The following GADL1 variants were observed in gnomAD, a reference collection of about 807,000 sequenced individuals.
The protein encoded by GADL1 is GAD like acidic amino acid decarboxylase 1, also known as acidic amino acid decarboxylase GADL1.
Under a neutral mutation model 69.5 loss-of-function variants are expected in GADL1, and 71 were observed. That is an observed-to-expected ratio of 1.02 (90% CI 0.84 to 1.25). GADL1 has a LOEUF of 1.25. GADL1 is among the 50% of genes most tolerant of loss of function. The pLI is 0.00. For synonymous variants in GADL1, 254 were observed against 214.4 expected, an observed-to-expected ratio of 1.18 and a Z score of -1.62; for missense variants, 737 against 631.8, an observed-to-expected ratio of 1.17 and a Z score of -1.79.
At chr3:30,869,437 C>CAA (rs1698449541) in intron 1 of GADL1, among the ~76,000 whole-genome samples, 1 of 151,838 alleles carries the variant, frequency 6.6e-6, no homozygotes, top group African/African-American at 2.4e-5. Flanking sequence ...AGAACAGAAG[C>CAA]TCTGAAGCTT....
intron 11 of GADL1, among the ~76,000 whole-genome samples, chr3:30,818,873 G>A (rs1279582369): frequency 1.3e-5 from 2 of 152,020 alleles, no homozygotes; most frequent in South Asian, 2.1e-4. Flanking sequence ...CTGAATATCT[G>A]CTATGGCCTC....
intron 1 of GADL1, among the ~76,000 whole-genome samples, chr3:30,874,636 G>GTGTTATC (rs1228872118): frequency 1.3e-5 from 2 of 151,756 alleles, no homozygotes; most frequent in East Asian, 3.9e-4. Flanking sequence ...GATCCACTAA[G>GTGTTATC]TGTTATCTAC....
chr3:30,781,285 AATT>A (rs1421047260), intron 13 of GADL1, among the ~76,000 whole-genome samples: 2 of 152,224 alleles, frequency 1.3e-5, no homozygotes, highest in Non-Finnish European at 2.9e-5. Context: ...TTTCAGGAAG[AATT>A]ATTTAGCAAA....
At position 30,800,913 on chromosome 3, in the gene GADL1, A is replaced by T; in HGVS notation, c.1226T>A (p.Val409Asp). 1 of 1,609,586 alleles carries T rather than the reference A, an allele frequency of 6.2e-7. No homozygotes were observed. The highest frequency in any genetic ancestry group is 2.2e-5 in the East Asian group (1 of 44,708). ...CCTAGATAAAGCAAGAGCACGATTA[A>T]CTCTTTCTTCAAGGCCTAATGTACC... ...ALGTLGLEERVNRALALSRYL... is the reference protein window; with the variant it reads ...ALGTLGLEERDNRALALSRYL... Residue 409 changes from valine to aspartate, a missense_variant, in exon 12 of 15, where the codon GTT becomes GAT. Val to Asp is a radical substitution (Grantham distance 152, BLOSUM62 -3). Transcript: ENST00000282538.
At chr3:30,763,515 G>C (rs1421170045) in intron 14 of GADL1, among the ~76,000 whole-genome samples, 1 of 110,850 alleles carries the variant, frequency 9.0e-6, no homozygotes, top group Non-Finnish European at 1.9e-5. Flanking sequence ...GGCGGGGGGT[G>C]GGGGTGGGGG....
intron 12 of GADL1, among the ~76,000 whole-genome samples, chr3:30,790,416 T>C (rs1182120162): frequency 6.6e-6 from 1 of 152,186 alleles, no homozygotes; most frequent in Admixed American, 6.6e-5. Flanking sequence ...GAGCACATGC[T>C]GTTGGGAAAA....
At chr3:30,777,722 T>C (rs1696568471) in intron 14 of GADL1, among the ~76,000 whole-genome samples, 1 of 152,224 alleles carries the variant, frequency 6.6e-6, no homozygotes, top group African/African-American at 2.4e-5. Flanking sequence ...TAGCATCTCT[T>C]TTCTTTTATG....
chr3:30,802,990 C>T (rs987791749), intron 11 of GADL1, among the ~76,000 whole-genome samples: 2 of 152,080 alleles, frequency 1.3e-5, no homozygotes, highest in Admixed American at 1.3e-4. Context: ...GTGGCGTATG[C>T]CTGAAGTGGG....
At chr3:30,761,674 G>T (rs991627774) in intron 14 of GADL1, among the ~76,000 whole-genome samples, 2 of 150,172 alleles carry the variant, frequency 1.3e-5, no homozygotes, top group African/African-American at 4.9e-5. Flanking sequence ...TTTAAAAAAG[G>T]AATGAGATTT....
At position 30,881,579 on chromosome 3, in the gene GADL1, A is replaced by G. The variant is rs144982277; in HGVS notation, c.37+12999T>C. On this transcript the variant is annotated intron_variant, in intron 1 of 14. Transcript: ENST00000282538. ...AGATGGCAACAGTATAAAAAAAGAT[A>G]TAAGAACTCAAGAACAGCAATCTGA... is the stretch of plus-strand genomic sequence containing the variant. Among the ~76,000 whole-genome samples, 207 of 152,048 alleles carry G rather than the reference A, an allele frequency of 1.4e-3. 2 individuals are homozygous for G. The highest frequency in any genetic ancestry group is 4.7e-3 in the African/African-American group (195 of 41,524).
intron 1 of GADL1, among the ~76,000 whole-genome samples, chr3:30,891,741 C>T (rs1395383867): frequency 6.6e-6 from 1 of 151,962 alleles, no homozygotes; most frequent in Non-Finnish European, 1.5e-5. Context: ...TTCGGCACAG[C>T]AATAGTAGGG....
chr3:30,885,384 G>A (rs1698689636), intron 1 of GADL1, among the ~76,000 whole-genome samples: 1 of 152,032 alleles, frequency 6.6e-6, no homozygotes, highest in South Asian at 2.1e-4. Flanking sequence ...TGACATTCAT[G>A]CCTGTATAAG....
chr3:30,751,636 A>G (rs1230914763), intron 14 of GADL1, among the ~76,000 whole-genome samples: 2 of 152,084 alleles, frequency 1.3e-5, no homozygotes, highest in African/African-American at 2.4e-5. Context: ...TGAAAGACTG[A>G]AACAGTTTGA....
chr3:30,835,731 T>A lies in GADL1; in HGVS notation c.904-1450A>T, dbSNP rs183955154. Among the ~76,000 whole-genome samples, 10 of 152,170 alleles carry A rather than the reference T, an allele frequency of 6.6e-5. No individual in the cohort carries two copies. The East Asian group carries it at 1.7e-3, about 27-fold the overall frequency. Reference sequence around the variant, plus strand: ...CTTGTCCCATGGACTAAAGGCTCCATCAACTCCATGGGGTCCCCAGAGGCC... The same window carrying A: ...CTTGTCCCATGGACTAAAGGCTCCAACAACTCCATGGGGTCCCCAGAGGCC... On this transcript the variant is annotated intron_variant, in intron 9 of 14. Coordinates refer to ENST00000282538, the MANE Select transcript of GADL1 (RefSeq NM_207359.3).
At chr3:30,752,752 A>G (rs1384823411) in intron 14 of GADL1, among the ~76,000 whole-genome samples, 1 of 152,224 alleles carries the variant, frequency 6.6e-6, no homozygotes, top group African/African-American at 2.4e-5. Flanking sequence ...TAGAAAGTGG[A>G]GTCCAAAGAT....
At chr3:30,761,640 A>G (rs894096698) in intron 14 of GADL1, among the ~76,000 whole-genome samples, 7 of 152,150 alleles carry the variant, frequency 4.6e-5, no homozygotes, top group African/African-American at 1.4e-4. Flanking sequence ...GAAACTATCA[A>G]TCCTCATCAG....
intron 14 of GADL1, among the ~76,000 whole-genome samples, chr3:30,758,453 T>C (rs1282942760): frequency 6.6e-6 from 1 of 152,078 alleles, no homozygotes; most frequent in Non-Finnish European, 1.5e-5. Flanking sequence ...AGAACCACAA[T>C]GATTGTGCTT....
Position 30,834,075 on chromosome 3 carries a change from A to G in GADL1, c.969-141T>C, listed in dbSNP as rs946361611. On this transcript the variant is annotated intron_variant, in intron 10 of 14. Coordinates refer to ENST00000282538, the MANE Select transcript of GADL1 (RefSeq NM_207359.3). ...ATAGAACTCCTTATCTGAGTGGTTT[A>G]AGGAATTTGGAGGGATTTTTTGTTG... is the stretch of plus-strand genomic sequence containing the variant. The G allele has an allele frequency of 5.3e-6, 5 of 943,912 alleles. No individual in the cohort carries two copies. In the African/African-American group the frequency reaches 8.2e-5, roughly 16 times the overall value. 58.5% of individuals were successfully genotyped at this position (943,912 alleles called of 1,614,324 possible). A position where few individuals can be genotyped will look rare whatever the true frequency, so the allele number is the denominator to read the frequency against.
At chr3:30,881,471 A>T (rs188234913) in intron 1 of GADL1, among the ~76,000 whole-genome samples, 111 of 152,072 alleles carry the variant, frequency 7.3e-4, no homozygotes, top group Non-Finnish European at 1.1e-3. Context: ...ACACAAAAGC[A>T]TCAAGTGGTG....
Sources: allele counts gnomAD v4.1 joint callset (sites outside exome capture counted in the v4.1 genomes callset), GRCh38; gene constraint gnomAD v4.1.1; transcripts MANE v1.5; gene names NCBI Gene and HGNC (gene_info 2026-07-23, HGNC 2026-07-21).